The following ERCC5 variants were observed in gnomAD, a reference collection of about 807,000 sequenced individuals.
The protein encoded by ERCC5 is DNA excision repair protein ERCC-5.
ERCC5 carries 68 observed loss-of-function variants against 105.6 expected under a neutral mutation model. The observed-to-expected ratio is 0.64, with a 90% CI of 0.53 to 0.79. The LOEUF is 0.79. ERCC5 is among the 30% of genes least tolerant of loss of function. The pLI is 0.00. For missense variants in ERCC5, 1,373 were observed against 1,426.7 expected (o/e 0.96, Z 0.61); for synonymous variants, 546 against 526.2 (o/e 1.04, Z -0.51).
intron 10 of ERCC5, 62 bp downstream of exon 10, chr13:102,866,443 G>C: frequency 6.2e-7 from 1 of 1,613,472 alleles, no homozygotes; most frequent in South Asian, 1.1e-5. Context: ...GGAATGCACT[G>C]CATGAAGGGG....
rs534053554 is a variant in ERCC5 at position 102,863,061 on chromosome 13, G to A, written c.1912G>A (p.Val638Met). The change falls in exon 8 of 15, where the codon GTG becomes ATG. Residue 638 changes from valine to methionine, a missense_variant. Val to Met is a conservative substitution (Grantham distance 21). Coordinates refer to ENST00000652225, the MANE Select transcript of ERCC5 (RefSeq NM_000123.4). ...GQDLISIPKA[V>M]EPMEIDSEES... ...GGATTTAATTTCCATTCCAAAGGCC[G>A]TGGAACCAATGGAAATTGACTCGGA... 24 of 1,614,120 alleles carry A rather than the reference G, an allele frequency of 1.5e-5. No individual in the cohort carries two copies. The highest frequency in any genetic ancestry group is 2.7e-5 in the African/African-American group (2 of 75,034).
rs1882521431 is a variant in ERCC5, at chr13:102,858,829, A to G, written c.672+411A>G. On this transcript the variant is annotated intron_variant, in intron 6 of 14. Transcript: ENST00000652225. ...TAGGTCATAAAAGTTATTGTAACCT[A>G]TAATATACATTGTCTATAAAAACTA... 19 of 451,088 alleles carry G rather than the reference A, an allele frequency of 4.2e-5. 1 individual carries two copies. Among genetic ancestry groups the G allele is most frequent in the South Asian group, 3.0e-4 (19 of 63,462 alleles). 27.9% of individuals were successfully genotyped at this position (451,088 alleles called of 1,614,324 possible).
At chr13:102,869,924 C>T (rs1319688142) in intron 12 of ERCC5, among the ~76,000 whole-genome samples, 1 of 152,198 alleles carries the variant, frequency 6.6e-6, no homozygotes, top group East Asian at 1.9e-4. Context: ...TCGTTTGTTG[C>T]CTGCTGAATC....
chr13:102,875,650 A>G lies in ERCC5; in HGVS notation c.3308A>G (p.Glu1103Gly). 6.2e-7 allele frequency: 1 copy of G among 1,614,130 alleles called. No individual in the cohort carries two copies. The highest frequency in any genetic ancestry group is 8.5e-7 in the Non-Finnish European group (1 of 1,179,980). Residue 1103 changes from glutamate (E) to glycine (G), a missense_variant, in exon 15 of 15, where the codon GAA becomes GGA. Glu to Gly is a moderately conservative substitution (Grantham distance 98). Coordinates refer to ENST00000652225, the MANE Select transcript of ERCC5 (RefSeq NM_000123.4). ...LSESSDGSSS[E>G]DAESSSLMNV... ...GAATCATCTGATGGATCTTCAAGTG[A>G]AGATGCTGAAAGTTCATCTTTAATG...
chr13:102,870,814 A>C (rs572813691), intron 12 of ERCC5, among the ~76,000 whole-genome samples: 6 of 152,304 alleles, frequency 3.9e-5, no homozygotes, highest in Non-Finnish European at 7.4e-5. Flanking sequence ...GTGGGTTCCT[A>C]ATGCTGCACT....
Position 102,861,583 on chromosome 13 carries a change from T to C in ERCC5, c.749T>C (p.Val250Ala). ...TATCTGAACCAGCATATAGAACATG[T>C]CCAAAAGGAAATGAATCAGCAACAT... is the stretch of plus-strand genomic sequence containing the variant. ...KNYLNQHIEH[V>A]QKEMNQQHSG... The change falls in exon 7 of 15, where the codon GTC (valine) becomes GCC (alanine). Residue 250 changes from valine to alanine, a missense_variant. By Grantham distance (64) the Val-to-Ala change is moderately conservative. Transcript: ENST00000652225. The C allele has an allele frequency of 6.2e-7, 1 of 1,614,066 alleles. No homozygotes were observed. Among genetic ancestry groups the C allele is most frequent in the East Asian group, 2.2e-5 (1 of 44,864 alleles).
At chr13:102,846,384 G>A (rs756456240) in intron 1 of ERCC5, 30 bp downstream of exon 1, 1 of 1,594,120 alleles carries the variant, frequency 6.3e-7, no homozygotes, top group African/African-American at 1.3e-5. Flanking sequence ...GGGACTTGGG[G>A]TGCAGGGATT....
chr13:102,861,947 C>T (rs1319528274), intron 7 of ERCC5, 83 bp from the exon 8 acceptor site: 2 of 1,517,748 alleles, frequency 1.3e-6, no homozygotes, highest in South Asian at 2.3e-5. Flanking sequence ...TTATGAGAAC[C>T]AGTGTTCTCT....
chr13:102,865,956 G>A lies in ERCC5; in HGVS notation c.2199+45G>A. The stretch of plus-strand genomic sequence containing the variant: ...TTTCGACTTCTTGCTGAGGAAGCCA[G>A]GTTAAGTAGGTTTTGAGTTTTAAGG... On this transcript the variant is annotated intron_variant, in intron 9 of 14. Transcript: ENST00000652225. This position sits in a 1 kb window ranked among gnomAD's most constrained non-coding sequence, Gnocchi z 4.0. 6.2e-7 allele frequency: 1 copy of A among 1,613,380 alleles called. No individual in the cohort carries two copies. Among genetic ancestry groups the A allele is most frequent in the East Asian group, 2.2e-5 (1 of 44,880 alleles).
At chr13:102,858,793 A>C (rs2140523692) in intron 6 of ERCC5, 1 of 425,612 alleles carries the variant, frequency 2.3e-6, no homozygotes, top group Non-Finnish European at 4.7e-6. Context: ...TTACTGACTC[A>C]ATTCTTAGGT....
chr13:102,852,403 T>C (rs1051239722), intron 2 of ERCC5, 110 bp downstream of exon 2: 42 of 1,254,452 alleles, frequency 3.3e-5, no homozygotes, highest in Admixed American at 6.7e-5. Context: ...AGAAACAGAC[T>C]TATTTTGACA....
chr13:102,872,274 C>T lies in ERCC5; in HGVS notation c.2755C>T (p.Arg919Trp), dbSNP rs377353991. 1.4e-5 allele frequency: 22 copies of T among 1,613,978 alleles called. No homozygotes were observed. Among genetic ancestry groups the T allele is most frequent in the East Asian group, 2.2e-5 (1 of 44,900 alleles). Residue 919 changes from arginine to tryptophan, a missense_variant, in exon 13 of 15, where the codon CGG (arginine) becomes TGG (tryptophan). Coordinates refer to ENST00000652225, the MANE Select transcript of ERCC5 (RefSeq NM_000123.4). ...TGACACCAAAGTGAAAAAAAAATTA[C>T]GGACATTGCAACTCACCCCTGGCTT... ...PHDTKVKKKL[R>W]TLQLTPGFPN...
chr13:102,868,352 C>G, intron 12 of ERCC5, 95 bp downstream of exon 12: 1 of 1,494,402 alleles, frequency 6.7e-7, no homozygotes, highest in Non-Finnish European at 9.3e-7. Flanking sequence ...CATGCTGTAA[C>G]ATGTGAACAA....
chr13:102,857,009 T>A (rs1882448961), intron 5 of ERCC5, among the ~76,000 whole-genome samples: 1 of 152,256 alleles, frequency 6.6e-6, no homozygotes, highest in Non-Finnish European at 1.5e-5. Context: ...ACAAGAAGAA[T>A]GTCCCACACA....
At chr13:102,866,521 T>C in intron 10 of ERCC5, 111 bp from the exon 11 acceptor site, 1 of 1,595,922 alleles carries the variant, frequency 6.3e-7, no homozygotes, top group Non-Finnish European at 8.6e-7. Flanking sequence ...TGTGTGTCCC[T>C]AACTCTGCAG....
intron 1 of ERCC5, among the ~76,000 whole-genome samples, chr13:102,849,747 C>T (rs1337343218): frequency 2.0e-5 from 3 of 152,132 alleles, no homozygotes; most frequent in Admixed American, 6.5e-5. Flanking sequence ...GGTTTTTTCC[C>T]TGCTAGATTA....
At chr13:102,856,162 A>G in intron 5 of ERCC5, 50 bp downstream of exon 5, 1 of 1,563,656 alleles carries the variant, frequency 6.4e-7, no homozygotes, top group Non-Finnish European at 8.8e-7. Flanking sequence ...TTTGAAATGA[A>G]TGACATGAAA....
intron 6 of ERCC5, chr13:102,858,861 A>C (rs4150298): frequency 0.028 from 12,961 of 455,780 alleles, 1,351 homozygotes; most frequent in African/African-American, 0.23. Flanking sequence ...ACTAATAGTC[A>C]TATAGAATCT....
chr13:102,865,216 A>G lies in ERCC5; in HGVS notation c.1955-451A>G. On this transcript the variant is annotated intron_variant, in intron 8 of 14. Transcript: ENST00000652225. The surrounding 1 kb of genome is among the most constrained non-coding windows in gnomAD (Gnocchi z 4.0). ...ATTTTAAGGAGAAGGAAAGACAGTA[A>G]GACAGTAAGAGAGGAGAGAAGGGAA... 4.5e-6 allele frequency: 1 copy of G among 223,560 alleles called. No homozygotes were observed. The highest frequency in any genetic ancestry group is 1.2e-4 in the East Asian group (1 of 8,248). The allele number at this position is 223,560 out of a possible 1,614,324, so 13.8% of individuals were successfully genotyped here.
Sources: gnomAD v4.1 joint callset for allele counts (sites outside exome capture counted in the v4.1 genomes callset) on GRCh38, gnomAD v4.1.1 for gene constraint, Gnocchi (gnomAD v3.1) non-coding constraint, MANE v1.5 for transcripts, NCBI Gene and HGNC (gene_info 2026-07-23, HGNC 2026-07-21) for gene names.